The following NUP205 variants were observed in gnomAD, a reference collection of about 807,000 sequenced individuals.
NUP205 encodes nucleoporin 205, also known as nuclear pore complex protein Nup205.
NUP205 carries 76 observed loss-of-function variants against 253.8 expected under a neutral mutation model. That is an observed-to-expected ratio of 0.30 (90% CI 0.25 to 0.36). NUP205 has a LOEUF of 0.36. Ranked by LOEUF, NUP205 falls within the 10% of genes least tolerant of loss-of-function variation. The probability of loss-of-function intolerance (pLI) is 1.00; values close to 1 mark genes in which losing one functional copy is unlikely to be tolerated. For missense variants in NUP205, 2,162 were observed against 2,425.5 expected (o/e 0.89, Z 2.28); for synonymous variants, 832 against 850.1 (o/e 0.98, Z 0.37).
At chr7:135,583,133 C>A (rs1003543985) in intron 7 of NUP205, among the ~76,000 whole-genome samples, 1 of 151,930 alleles carries the variant, frequency 6.6e-6, no homozygotes, top group African/African-American at 2.4e-5. Context: ...TACTACAAAT[C>A]ATATGTTTTC....
chr7:135,588,121 T>C, intron 10 of NUP205, 129 bp downstream of exon 10: 1 of 628,296 alleles, frequency 1.6e-6, no homozygotes, highest in Non-Finnish European at 2.4e-6. Flanking sequence ...TTTAGAGACT[T>C]ACACTTTTTA....
At chr7:135,585,530 T>C (rs549775509) in intron 8 of NUP205, among the ~76,000 whole-genome samples, 1 of 152,164 alleles carries the variant, frequency 6.6e-6, no homozygotes, top group South Asian at 2.1e-4. Flanking sequence ...AGTGGAAAAA[T>C]TGCATTTTAT....
intron 35 of NUP205, among the ~76,000 whole-genome samples, chr7:135,632,535 G>A (rs1563137363): frequency 6.6e-6 from 1 of 151,914 alleles, no homozygotes; most frequent in African/African-American, 2.4e-5. Flanking sequence ...TTTTTTGTCT[G>A]GGCTGTCTCG....
At chr7:135,569,323 T>C (rs1805878463) in intron 1 of NUP205, among the ~76,000 whole-genome samples, 1 of 152,230 alleles carries the variant, frequency 6.6e-6, no homozygotes, top group Non-Finnish European at 1.5e-5. Context: ...TCCGCCCGCC[T>C]TGGCCTCCCA....
At chr7:135,599,711 T>C (rs1044050409) in intron 15 of NUP205, among the ~76,000 whole-genome samples, 14 of 152,230 alleles carry the variant, frequency 9.2e-5, no homozygotes, top group African/African-American at 3.4e-4. Flanking sequence ...CAAGTGTTGC[T>C]GCTTTTCCCT....
chr7:135,634,189 G>T (rs1794767007), intron 35 of NUP205, among the ~76,000 whole-genome samples: 1 of 152,110 alleles, frequency 6.6e-6, no homozygotes, highest in African/African-American at 2.4e-5. Flanking sequence ...TCACACCTCA[G>T]CCTCCCAAAA....
intron 1 of NUP205, among the ~76,000 whole-genome samples, chr7:135,568,874 G>A (rs969009652): frequency 5.5e-4 from 84 of 152,268 alleles, no homozygotes; most frequent in African/African-American, 1.9e-3. Flanking sequence ...TGCTGCACAA[G>A]TGCAGCCATT....
At chr7:135,570,049 A>G (rs1350653245) in intron 1 of NUP205, among the ~76,000 whole-genome samples, 1 of 86,450 alleles carries the variant, frequency 1.2e-5, no homozygotes, top group Non-Finnish European at 2.8e-5. Context: ...ATATATATAT[A>G]TATAGAGAGA....
rs539309416 is a variant in NUP205, at chr7:135,626,230, A to G, written c.4672-10A>G. ...TCAGCACTGATGATTTTTCTCTTGT[A>G]ACTCCTCAGGCATTTCTCACAAGAG... On this transcript the variant is annotated splice_polypyrimidine_tract_variant and intron_variant, in intron 32 of 42. Transcript: ENST00000285968. 3 of 1,613,798 alleles carry G rather than the reference A, an allele frequency of 1.9e-6. No individual in the cohort carries two copies. The highest frequency in any genetic ancestry group is 1.1e-5 in the South Asian group (1 of 90,990).
chr7:135,634,743 A>T (rs1173623485), intron 35 of NUP205, among the ~76,000 whole-genome samples: 1 of 152,260 alleles, frequency 6.6e-6, no homozygotes, highest in South Asian at 2.1e-4. Flanking sequence ...GCGGTGAGGC[A>T]CGGATAGAGG....
intron 1 of NUP205, among the ~76,000 whole-genome samples, chr7:135,570,846 TAC>T (rs1281451048): frequency 4.1e-5 from 3 of 72,662 alleles, no homozygotes; most frequent in Admixed American, 1.8e-4. Flanking sequence ...TATTATATAT[TAC>T]ATATATTATA....
intron 28 of NUP205, among the ~76,000 whole-genome samples, chr7:135,619,051 A>C (rs1170038881): frequency 1.3e-5 from 2 of 151,982 alleles, no homozygotes; most frequent in Non-Finnish European, 2.9e-5. Flanking sequence ...ACCATAGTTG[A>C]CAAGCTAAAT....
chr7:135,638,167 T>C (rs1478576647), intron 37 of NUP205, 108 bp downstream of exon 37: 2 of 1,212,452 alleles, frequency 1.6e-6, no homozygotes, highest in Non-Finnish European at 2.3e-6. Flanking sequence ...CCCAGCACTT[T>C]GGGAGGCCAA....
At chr7:135,591,935 T>TA (rs1435850574) in intron 11 of NUP205, among the ~76,000 whole-genome samples, 4 of 151,358 alleles carry the variant, frequency 2.6e-5, no homozygotes, top group Admixed American at 6.6e-5. Flanking sequence ...TATCTTCGTA[T>TA]TTTTTTTTCT....
At position 135,606,233 on chromosome 7, in the gene NUP205, CT is replaced by C; in HGVS notation, c.2905+9del. On this transcript the variant is annotated splice_region_variant and intron_variant, in intron 20 of 42. Transcript: ENST00000285968. ...TTTGTACGTCTGGAAGAGGGTATGC[CT>C]TAGATTAATGTGCATACACGCATTC... 1 of 1,567,194 alleles carries C rather than the reference CT, an allele frequency of 6.4e-7. No homozygotes were observed. Among genetic ancestry groups the C allele is most frequent in the Non-Finnish European group, 8.8e-7 (1 of 1,137,596 alleles).
intron 6 of NUP205, among the ~76,000 whole-genome samples, 179 bp downstream of exon 6, chr7:135,578,203 GTTAATTA>G (rs1806206535): frequency 6.6e-6 from 1 of 152,142 alleles, no homozygotes; most frequent in Non-Finnish European, 1.5e-5. Flanking sequence ...CTGCAGTCCT[GTTAATTA>G]TTTCTGTTTT....
chr7:135,585,184 GTC>G (rs1433727907), intron 8 of NUP205, among the ~76,000 whole-genome samples, 177 bp downstream of exon 8: 3 of 152,146 alleles, frequency 2.0e-5, no homozygotes, highest in African/African-American at 4.8e-5. Flanking sequence ...TAAGTCATGA[GTC>G]TCTACAAGAT....
intron 1 of NUP205, among the ~76,000 whole-genome samples, chr7:135,567,508 G>A (rs966060986): frequency 3.3e-5 from 5 of 151,124 alleles, no homozygotes; most frequent in Non-Finnish European, 5.9e-5. Context: ...TATTCAGGAG[G>A]CTGAGGGGGG....
chr7:135,632,235 G>A (rs73452468), intron 35 of NUP205, among the ~76,000 whole-genome samples: 2 of 152,260 alleles, frequency 1.3e-5, no homozygotes, highest in South Asian at 4.1e-4. Flanking sequence ...TATTAAGCAT[G>A]TATGTGCCAG....
Sources: allele counts gnomAD v4.1 joint callset (sites outside exome capture counted in the v4.1 genomes callset), GRCh38; gene constraint gnomAD v4.1.1; transcripts MANE v1.5; gene names NCBI Gene and HGNC (gene_info 2026-07-23, HGNC 2026-07-21).